Variants in KCNMA1 observed in about 807,000 individuals in gnomAD.
KCNMA1 encodes potassium calcium-activated channel subfamily M alpha 1, also known as Calcium-activated potassium channel subunit alpha-1.
Under a neutral mutation model 140.0 loss-of-function variants are expected in KCNMA1, and 29 were observed. The observed-to-expected ratio is 0.21, with a 90% CI of 0.15 to 0.28. KCNMA1 has a LOEUF of 0.28. Ranked by LOEUF, KCNMA1 falls within the 10% of genes least tolerant of loss-of-function variation. The pLI is 1.00. For missense variants in KCNMA1, 880 were observed against 1,602.2 expected (o/e 0.55, Z 7.70); for synonymous variants, 612 against 611.9 (o/e 1.00, Z 0.00).
Position 77,025,242 on chromosome 10 carries a change from G to GTA in KCNMA1, c.1928+2579_1928+2580dup, listed in dbSNP as rs1183311699. On this transcript the variant is annotated intron_variant, in intron 16 of 27. Transcript: ENST00000286628. The stretch of plus-strand genomic sequence containing the variant: ...ACTCTAGTTGGAGAGGGGTGTGTGT[G>GTA]TATATATATATATATATATATATAT... 7.0e-3 allele frequency among the ~76,000 whole-genome samples: 297 copies of GTA among 42,700 alleles called. 3 individuals are homozygous for GTA. Among genetic ancestry groups the GTA allele is most frequent in the South Asian group, 0.028 (26 of 916 alleles). 28.0% of individuals were successfully genotyped at this position (42,700 alleles called of 152,430 possible). A position where few individuals can be genotyped will look rare whatever the true frequency, so the allele number is the denominator to read the frequency against.
At chr10:77,346,123 G>C (rs938360453) in intron 2 of KCNMA1, among the ~76,000 whole-genome samples, 2 of 152,196 alleles carry the variant, frequency 1.3e-5, no homozygotes, top group African/African-American at 4.8e-5. Context: ...GACGAACCTT[G>C]AAACACAAGA....
intron 1 of KCNMA1, among the ~76,000 whole-genome samples, chr10:77,523,238 T>C (rs984104529): frequency 1.1e-4 from 15 of 136,052 alleles, no homozygotes; most frequent in Non-Finnish European, 2.2e-4. Flanking sequence ...CAGAACCGCA[T>C]AGTAGGTGCT....
chr10:77,005,196 C>T (rs1010069265), intron 18 of KCNMA1, among the ~76,000 whole-genome samples: 9 of 152,078 alleles, frequency 5.9e-5, no homozygotes, highest in Admixed American at 4.6e-4. Context: ...CCAAAAGGAG[C>T]AGAAAGAGGA....
At chr10:77,275,966 C>G (rs1009978733) in intron 2 of KCNMA1, among the ~76,000 whole-genome samples, 1 of 152,208 alleles carries the variant, frequency 6.6e-6, no homozygotes, top group Admixed American at 6.5e-5. Context: ...CCAGCCCTGT[C>G]CCATGTCAAG....
chr10:76,964,353 T>C (rs2073010537), intron 20 of KCNMA1, among the ~76,000 whole-genome samples: 1 of 152,144 alleles, frequency 6.6e-6, no homozygotes, highest in South Asian at 2.1e-4. Context: ...GTTGCCTTTA[T>C]GTTTGGGAGA....
intron 5 of KCNMA1, among the ~76,000 whole-genome samples, chr10:77,162,663 T>A (rs1215603332): frequency 5.3e-5 from 8 of 152,178 alleles, no homozygotes; most frequent in Non-Finnish European, 1.5e-5. Context: ...GAAAACCCAC[T>A]GGTACTCTCC....
chr10:77,429,478 G>T (rs1262055564), intron 1 of KCNMA1, among the ~76,000 whole-genome samples: 1 of 152,132 alleles, frequency 6.6e-6, no homozygotes, highest in African/African-American at 2.4e-5. Context: ...GCCACCATTT[G>T]AACATCGCTG....
intron 1 of KCNMA1, among the ~76,000 whole-genome samples, chr10:77,451,657 G>A (rs763094496): frequency 1.6e-4 from 24 of 152,134 alleles, no homozygotes; most frequent in Non-Finnish European, 1.2e-4. Context: ...GGCCAAGTGT[G>A]CCCCTGCCCA....
intron 2 of KCNMA1, among the ~76,000 whole-genome samples, chr10:77,383,899 A>G (rs1284067306): frequency 6.6e-6 from 1 of 152,162 alleles, no homozygotes; most frequent in Non-Finnish European, 1.5e-5. Flanking sequence ...CTCACTGACC[A>G]CCGGTGTTGG....
intron 5 of KCNMA1, among the ~76,000 whole-genome samples, chr10:77,123,667 G>A (rs1407264006): frequency 6.6e-6 from 1 of 152,200 alleles, no homozygotes; most frequent in African/African-American, 2.4e-5. Context: ...TGAAACCTCA[G>A]ATAGTGCCAA....
intron 1 of KCNMA1, among the ~76,000 whole-genome samples, chr10:77,628,891 C>A (rs1286567000): frequency 6.6e-6 from 1 of 152,018 alleles, no homozygotes; most frequent in Non-Finnish European, 1.5e-5. Context: ...AAGGATGGAG[C>A]AAGAGGAGGA....
chr10:77,371,829 G>C lies in KCNMA1; in HGVS notation c.540+32033C>G, dbSNP rs549523322. 2.6e-5 allele frequency among the ~76,000 whole-genome samples: 4 copies of C among 152,252 alleles called. No homozygotes were observed. In the East Asian group the frequency reaches 7.7e-4, roughly 29 times the overall value. On this transcript the variant is annotated intron_variant, in intron 2 of 27. Coordinates refer to ENST00000286628, the MANE Select transcript of KCNMA1 (RefSeq NM_001161352.2). ...TCTCTCTGCTTCTAGGCTCTGCTGGGAGCAATTCCCCTCCTACAATGTCCT... is the reference window on the plus strand; with the variant it reads ...TCTCTCTGCTTCTAGGCTCTGCTGGCAGCAATTCCCCTCCTACAATGTCCT...
At chr10:77,333,121 C>T (rs1217729398) in intron 2 of KCNMA1, among the ~76,000 whole-genome samples, 3 of 152,086 alleles carry the variant, frequency 2.0e-5, no homozygotes, top group Non-Finnish European at 4.4e-5. Context: ...CCAGCCCATT[C>T]GAGAAGGCAA....
intron 1 of KCNMA1, among the ~76,000 whole-genome samples, chr10:77,464,514 C>T (rs1395481137): frequency 1.3e-5 from 2 of 152,066 alleles, no homozygotes; most frequent in Non-Finnish European, 2.9e-5. Context: ...GGGTCTGAGT[C>T]ATGCTAAGTA....
chr10:77,291,064 C>T (rs2073068116), intron 2 of KCNMA1, among the ~76,000 whole-genome samples: 1 of 152,166 alleles, frequency 6.6e-6, no homozygotes, highest in Non-Finnish European at 1.5e-5. Flanking sequence ...CACACATATG[C>T]CCCACGCTAC....
chr10:76,922,668 G>A (rs970346978), intron 23 of KCNMA1, among the ~76,000 whole-genome samples: 1 of 152,194 alleles, frequency 6.6e-6, no homozygotes, highest in Non-Finnish European at 1.5e-5. Flanking sequence ...AATGAAAACA[G>A]GGCAAATGAA....
At chr10:77,259,310 A>T (rs1430853967) in intron 2 of KCNMA1, among the ~76,000 whole-genome samples, 2 of 152,208 alleles carry the variant, frequency 1.3e-5, no homozygotes, top group African/African-American at 4.8e-5. Context: ...TGATTTGTTC[A>T]CATGTAAGGA....
chr10:77,204,512 T>C (rs1288752676), intron 3 of KCNMA1, among the ~76,000 whole-genome samples: 1 of 152,234 alleles, frequency 6.6e-6, no homozygotes, highest in Admixed American at 6.5e-5. Flanking sequence ...CTATGAGGGT[T>C]ATCTTCTATA....
chr10:76,973,765 T>A (rs1028210941), intron 19 of KCNMA1, among the ~76,000 whole-genome samples: 2 of 152,138 alleles, frequency 1.3e-5, no homozygotes, highest in Non-Finnish European at 2.9e-5. Flanking sequence ...ACTAGATTTT[T>A]AAAAAAAGAA....
Sources: gnomAD v4.1 joint callset for allele counts (sites outside exome capture counted in the v4.1 genomes callset) on GRCh38, gnomAD v4.1.1 for gene constraint, MANE v1.5 for transcripts, NCBI Gene and HGNC (gene_info 2026-07-23, HGNC 2026-07-21) for gene names.